The following TRHDE variants were observed in gnomAD, a reference collection of about 807,000 sequenced individuals.
The protein encoded by TRHDE is thyrotropin releasing hormone degrading enzyme, also known as thyrotropin-releasing hormone-degrading ectoenzyme.
TRHDE carries 72 observed loss-of-function variants against 125.7 expected under a neutral mutation model. The ratio of observed to expected loss-of-function variants is 0.57; its 90% CI spans 0.47 to 0.70. The LOEUF (loss-of-function observed/expected upper bound fraction) is 0.70. Ranked by LOEUF, TRHDE falls within the 30% of genes least tolerant of loss-of-function variation. The pLI is 0.00. For missense variants in TRHDE, 1,110 were observed against 1,327.1 expected, an observed-to-expected ratio of 0.84 and a Z score of 2.54; for synonymous variants, 509 against 509.1, an observed-to-expected ratio of 1.00 and a Z score of 0.00.
intron 3 of TRHDE, among the ~76,000 whole-genome samples, chr12:72,458,992 T>G (rs575817440): frequency 8.5e-5 from 13 of 152,302 alleles, no homozygotes; most frequent in African/African-American, 2.9e-4. Context: ...CAACACAAAT[T>G]TATTATCTTA....
At chr12:72,372,248 T>TC (rs1404142271) in intron 2 of TRHDE, among the ~76,000 whole-genome samples, 52 of 152,218 alleles carry the variant, frequency 3.4e-4, no homozygotes, top group African/African-American at 1.2e-3. Flanking sequence ...TGTTTTTTTT[T>TC]CTTGTAAATT....
chr12:72,210,204 A>ATCTATCATCTG (rs1372892678), intron 2 of TRHDE, among the ~76,000 whole-genome samples: 2 of 151,786 alleles, frequency 1.3e-5, no homozygotes, highest in African/African-American at 4.9e-5. Flanking sequence ...CTATCTATCT[A>ATCTATCATCTG]TCTACTTTCT....
intron 2 of TRHDE, among the ~76,000 whole-genome samples, chr12:72,127,115 C>T (rs1295201939): frequency 6.6e-6 from 1 of 152,102 alleles, no homozygotes; most frequent in Non-Finnish European, 1.5e-5. Context: ...CACTAATCAT[C>T]AAAGAAATGC....
chr12:72,647,757 G>A (rs1330723861), intron 15 of TRHDE, among the ~76,000 whole-genome samples: 1 of 152,034 alleles, frequency 6.6e-6, no homozygotes, highest in Non-Finnish European at 1.5e-5. Flanking sequence ...CTATAACTGG[G>A]ATGGAGATTG....
intron 2 of TRHDE, among the ~76,000 whole-genome samples, chr12:72,334,335 C>A (rs1023107257): frequency 1.3e-5 from 2 of 152,274 alleles, no homozygotes; most frequent in African/African-American, 4.8e-5. Context: ...GATATAAGAA[C>A]AGTGTATTTT....
At chr12:72,570,217 T>G (rs1393169577) in intron 10 of TRHDE, among the ~76,000 whole-genome samples, 1 of 152,190 alleles carries the variant, frequency 6.6e-6, no homozygotes, top group Non-Finnish European at 1.5e-5. Flanking sequence ...CCGGGTCCAT[T>G]TCTTCTAACT....
At chr12:72,188,732 A>G (rs1423219873) in intron 2 of TRHDE, among the ~76,000 whole-genome samples, 1 of 152,216 alleles carries the variant, frequency 6.6e-6, no homozygotes, top group East Asian at 1.9e-4. Context: ...TATGTGAAAG[A>G]CTTTAAAAAA....
At chr12:72,525,299 A>G (rs1358968810) in intron 6 of TRHDE, among the ~76,000 whole-genome samples, 3 of 152,112 alleles carry the variant, frequency 2.0e-5, no homozygotes, top group Non-Finnish European at 4.4e-5. Context: ...TCCTTTAGAT[A>G]TGTGCATTGT....
chr12:72,431,398 C>T (rs1874472167), intron 3 of TRHDE, among the ~76,000 whole-genome samples: 1 of 152,078 alleles, frequency 6.6e-6, no homozygotes, highest in Non-Finnish European at 1.5e-5. Context: ...AAAAATTTAA[C>T]AGGTTTATCT....
At chr12:72,350,967 G>C (rs1162582968) in intron 2 of TRHDE, among the ~76,000 whole-genome samples, 1 of 151,964 alleles carries the variant, frequency 6.6e-6, no homozygotes. Flanking sequence ...CTAGCCAATT[G>C]CATACAATTG....
chr12:72,531,310 T>G (rs1449449795), intron 6 of TRHDE, among the ~76,000 whole-genome samples: 1 of 152,068 alleles, frequency 6.6e-6, no homozygotes, highest in Non-Finnish European at 1.5e-5. Context: ...CAATGGGGTC[T>G]TTGTTTTTTA....
intron 2 of TRHDE, among the ~76,000 whole-genome samples, chr12:72,354,976 G>T (rs183480898): frequency 1.5e-4 from 23 of 151,466 alleles, no homozygotes; most frequent in Middle Eastern, 6.8e-3. Flanking sequence ...CATAGAGGAA[G>T]AATTACTAAA....
intron 2 of TRHDE, among the ~76,000 whole-genome samples, chr12:72,116,997 C>T (rs1476041009): frequency 2.0e-5 from 3 of 152,026 alleles, no homozygotes; most frequent in Non-Finnish European, 2.9e-5. Context: ...TATTAATCCC[C>T]TGTCTGATGG....
intron 3 of TRHDE, among the ~76,000 whole-genome samples, chr12:72,438,153 C>A (rs1249157714): frequency 6.6e-6 from 1 of 151,616 alleles, no homozygotes; most frequent in Non-Finnish European, 1.5e-5. Flanking sequence ...TGTATATATA[C>A]CATGTTTTCT....
intron 2 of TRHDE, among the ~76,000 whole-genome samples, chr12:72,232,314 C>A (rs897127286): frequency 6.6e-6 from 1 of 152,088 alleles, no homozygotes; most frequent in Non-Finnish European, 1.5e-5. Flanking sequence ...CAGGCTCTGG[C>A]CTATAGAGGT....
intron 3 of TRHDE, among the ~76,000 whole-genome samples, chr12:72,446,653 G>GAT (rs1447743981): frequency 2.0e-5 from 3 of 152,020 alleles, no homozygotes; most frequent in Non-Finnish European, 2.9e-5. Context: ...AAAATAAAGA[G>GAT]ATGGAGGAAG....
chr12:72,288,974 G>A (rs145247615), intron 2 of TRHDE, among the ~76,000 whole-genome samples: 24 of 152,204 alleles, frequency 1.6e-4, no homozygotes, highest in African/African-American at 5.8e-4. Context: ...TTGCCGTTGG[G>A]AGCTCTTATT....
intron 2 of TRHDE, among the ~76,000 whole-genome samples, chr12:72,134,158 C>G (rs1048449412): frequency 5.3e-5 from 8 of 152,132 alleles, no homozygotes; most frequent in African/African-American, 1.9e-4. Context: ...GAAAAGTAAC[C>G]ATAGTTTGAA....
intron 2 of TRHDE, among the ~76,000 whole-genome samples, chr12:72,365,094 T>G (rs912108575): frequency 1.3e-5 from 2 of 152,120 alleles, no homozygotes; most frequent in Non-Finnish European, 2.9e-5. Context: ...TATCTGTTAC[T>G]GCTTATTGTG....
Sources: allele counts gnomAD v4.1 joint callset (sites outside exome capture counted in the v4.1 genomes callset), GRCh38; gene constraint gnomAD v4.1.1; transcripts MANE v1.5; gene names NCBI Gene and HGNC (gene_info 2026-07-23, HGNC 2026-07-21).